The following REDIC1 variants were observed in gnomAD, a reference collection of about 807,000 sequenced individuals.
REDIC1 encodes HEI10 Interacting Protein 1.
the REDIC1 span, chr12:39,683,429 G>C: frequency 6.3e-7 from 1 of 1,597,858 alleles, no homozygotes; most frequent in Non-Finnish European, 8.6e-7. Flanking sequence ...ATTTGAAAAT[G>C]ATTACCAAGA....
chr12:39,632,005 G>A, the REDIC1 span, among the ~76,000 whole-genome samples: 1 of 151,158 alleles, frequency 6.6e-6, no homozygotes, highest in Non-Finnish European at 1.5e-5. Context: ...ATAAAGAACT[G>A]TTTTTGCTTT....
chr12:39,703,335 T>C, the REDIC1 span, among the ~76,000 whole-genome samples: 1 of 150,494 alleles, frequency 6.6e-6, no homozygotes, highest in Non-Finnish European at 1.5e-5. Context: ...CCATTCACAA[T>C]TGCTTCCAAG....
chr12:39,880,403 A>G, the REDIC1 span, among the ~76,000 whole-genome samples: 3 of 152,230 alleles, frequency 2.0e-5, no homozygotes, highest in Non-Finnish European at 4.4e-5. Context: ...TACACTGAGA[A>G]ATCCTCTTTG....
the REDIC1 span, chr12:39,650,404 T>G: frequency 6.5e-7 from 1 of 1,549,194 alleles, no homozygotes; most frequent in Non-Finnish European, 8.7e-7. The surrounding 1 kb of genome is among the most constrained non-coding windows in gnomAD (Gnocchi z 4.3). Context: ...TTCTGTACTT[T>G]CACTTAGAAA....
the REDIC1 span, among the ~76,000 whole-genome samples, chr12:39,815,680 ACT>A: frequency 7.9e-5 from 12 of 152,368 alleles, no homozygotes; most frequent in South Asian, 2.3e-3. Context: ...AAGCAGTTCT[ACT>A]AAAGGGCATG....
At chr12:39,640,576 A>G in the REDIC1 span, among the ~76,000 whole-genome samples, 2 of 151,954 alleles carry the variant, frequency 1.3e-5, no homozygotes, top group Non-Finnish European at 2.9e-5. Context: ...TGTAGATTTC[A>G]GTAGAATGTT....
the REDIC1 span, among the ~76,000 whole-genome samples, chr12:39,796,596 C>T: frequency 6.6e-6 from 1 of 151,942 alleles, no homozygotes; most frequent in Non-Finnish European, 1.5e-5. Context: ...CTGGCAGAAG[C>T]TAGAAAGTAT....
the REDIC1 span, among the ~76,000 whole-genome samples, chr12:39,794,753 G>A: frequency 6.6e-6 from 1 of 152,164 alleles, no homozygotes. Flanking sequence ...CCTGATTTGC[G>A]AATCATTCTT....
chr12:39,727,827 C>T, the REDIC1 span, among the ~76,000 whole-genome samples: 1 of 152,036 alleles, frequency 6.6e-6, no homozygotes, highest in Non-Finnish European at 1.5e-5. Flanking sequence ...CTCTTATTTC[C>T]TAGAGCAGTG....
chr12:39,785,129 TG>T, the REDIC1 span, among the ~76,000 whole-genome samples: 1 of 152,076 alleles, frequency 6.6e-6, no homozygotes, highest in African/African-American at 2.4e-5. Flanking sequence ...CCCAAGACCA[TG>T]GGGAAAATGT....
chr12:39,881,031 GT>G, the REDIC1 span, among the ~76,000 whole-genome samples: 3 of 152,146 alleles, frequency 2.0e-5, no homozygotes, highest in Non-Finnish European at 2.9e-5. Flanking sequence ...TCCCAAACCT[GT>G]TTATGCCTGT....
At chr12:39,764,675 T>C in the REDIC1 span, 4 of 1,589,136 alleles carry the variant, frequency 2.5e-6, no homozygotes, top group African/African-American at 2.7e-5. Context: ...AAAATTATAG[T>C]TTATCTACTC....
At chr12:39,632,574 A>G in the REDIC1 span, among the ~76,000 whole-genome samples, 7 of 152,186 alleles carry the variant, frequency 4.6e-5, no homozygotes, top group East Asian at 1.9e-4. Flanking sequence ...ATTTGTACAT[A>G]CATATACAGT....
the REDIC1 span, chr12:39,640,916 C>A: frequency 1.3e-6 from 2 of 1,544,078 alleles, no homozygotes; most frequent in East Asian, 2.3e-5. Flanking sequence ...AAGGCCATTT[C>A]TTTGATCACT....
the REDIC1 span, among the ~76,000 whole-genome samples, chr12:39,723,124 A>G: frequency 1.3e-5 from 2 of 152,180 alleles, no homozygotes; most frequent in South Asian, 4.1e-4. Flanking sequence ...AATGCTGTCC[A>G]TCACTCCATG....
the REDIC1 span, among the ~76,000 whole-genome samples, chr12:39,883,587 T>G: frequency 6.6e-6 from 1 of 152,180 alleles, no homozygotes; most frequent in Non-Finnish European, 1.5e-5. Context: ...GGGCAGGTCA[T>G]GGCATTTACT....
chr12:39,729,707 A>G, the REDIC1 span, among the ~76,000 whole-genome samples: 2 of 152,050 alleles, frequency 1.3e-5, no homozygotes, highest in East Asian at 3.8e-4. Context: ...CAAGTCTTTA[A>G]TATCCTTGTT....
chr12:39,843,748 G>A, the REDIC1 span, among the ~76,000 whole-genome samples: 2 of 152,000 alleles, frequency 1.3e-5, no homozygotes, highest in African/African-American at 2.4e-5. Flanking sequence ...TATTACTTTG[G>A]ATATCTGAGA....
At chr12:39,663,029 G>A in the REDIC1 span, among the ~76,000 whole-genome samples, 4 of 151,972 alleles carry the variant, frequency 2.6e-5, no homozygotes, top group African/African-American at 9.7e-5. Flanking sequence ...TGGTTTGCTA[G>A]TGTATTGTTG....
Sources: gnomAD v4.1 joint callset for allele counts (sites outside exome capture counted in the v4.1 genomes callset) on GRCh38, gnomAD v4.1.1 for gene constraint, Gnocchi (gnomAD v3.1) non-coding constraint, MANE v1.5 for transcripts, NCBI Gene and HGNC (gene_info 2026-07-23, HGNC 2026-07-21) for gene names.